The following IL1RAPL2 variants were observed in gnomAD, a reference collection of about 807,000 sequenced individuals.
The protein encoded by IL1RAPL2 is X-linked interleukin-1 receptor accessory protein-like 2.
Under a neutral mutation model 44.1 loss-of-function variants are expected in IL1RAPL2, and 3 were observed. That is an observed-to-expected ratio of 0.07 (90% CI 0.03 to 0.18). IL1RAPL2 has a LOEUF of 0.18. IL1RAPL2 is among the 10% of genes least tolerant of loss of function. IL1RAPL2 has a pLI of 1.00. For synonymous variants in IL1RAPL2, 181 were observed against 178.8 expected, an observed-to-expected ratio of 1.01 and a Z score of -0.10; for missense variants, 391 against 496.4, an observed-to-expected ratio of 0.79 and a Z score of 2.02.
chrX:105,342,605 C>T (rs1432872176), intron 5 of IL1RAPL2, among the ~76,000 whole-genome samples: 1 of 111,680 alleles, frequency 9.0e-6, no homozygotes, highest in African/African-American at 3.3e-5. Flanking sequence ...AAGAGAGAAC[C>T]TCAGAGCAAA....
intron 2 of IL1RAPL2, among the ~76,000 whole-genome samples, chrX:104,696,826 T>C (rs1386908572): frequency 1.8e-5 from 2 of 111,873 alleles, no homozygotes; most frequent in Non-Finnish European, 3.8e-5. Flanking sequence ...CTGTTATTTA[T>C]TTGTCAAAGG....
chrX:105,002,214 A>G (rs2030863509), intron 2 of IL1RAPL2, among the ~76,000 whole-genome samples: 1 of 111,504 alleles, frequency 9.0e-6, no homozygotes, highest in African/African-American at 3.3e-5. Context: ...ATATACAAAA[A>G]GCATGGTAGA....
At chrX:104,675,606 C>T (rs993812023) in intron 2 of IL1RAPL2, among the ~76,000 whole-genome samples, 2 of 111,003 alleles carry the variant, frequency 1.8e-5, no homozygotes, top group Non-Finnish European at 3.8e-5. Context: ...CTGTAGATGT[C>T]TATTAGGTCC....
At chrX:104,880,368 G>A (rs1161203941) in intron 2 of IL1RAPL2, among the ~76,000 whole-genome samples, 3 of 111,520 alleles carry the variant, frequency 2.7e-5, no homozygotes, top group Admixed American at 9.6e-5. Context: ...GAGAAAAAGC[G>A]TACAGTAGTC....
chrX:104,983,691 AACATAATATTATAT>A (rs1569355823), intron 2 of IL1RAPL2, among the ~76,000 whole-genome samples: 1 of 100,751 alleles, frequency 9.9e-6, no homozygotes, highest in Non-Finnish European at 2.0e-5. Context: ...ACATAATATT[AACATAATATTATAT>A]ACATAATATT....
chrX:104,891,826 A>G, intron 2 of IL1RAPL2, among the ~76,000 whole-genome samples: 1 of 111,258 alleles, frequency 9.0e-6, no homozygotes. Flanking sequence ...AACTTCCAAC[A>G]CTATGTTGAA....
chrX:104,630,392 C>A (rs1437486271), intron 1 of IL1RAPL2, among the ~76,000 whole-genome samples: 1 of 110,690 alleles, frequency 9.0e-6, no homozygotes, highest in African/African-American at 3.3e-5. Context: ...AATGATTAAC[C>A]TGCCTCGGCC....
chrX:104,911,934 A>ACTCAAATAT (rs1924251424), intron 2 of IL1RAPL2, among the ~76,000 whole-genome samples: 1 of 111,269 alleles, frequency 9.0e-6, no homozygotes, highest in African/African-American at 3.3e-5. Flanking sequence ...TCAGGCCTTC[A>ACTCAAATAT]CTCAAATATC....
At chrX:105,749,700 G>A (rs2038580472) in intron 9 of IL1RAPL2, among the ~76,000 whole-genome samples, 1 of 112,159 alleles carries the variant, frequency 8.9e-6, no homozygotes. Context: ...TATATTTGCT[G>A]TTTATGAATT....
intron 2 of IL1RAPL2, among the ~76,000 whole-genome samples, chrX:104,668,325 A>T (rs1353972961): frequency 1.8e-5 from 2 of 108,670 alleles, no homozygotes; most frequent in Admixed American, 9.9e-5. Context: ...TTTTATTTTT[A>T]TTTTTTTATT....
intron 2 of IL1RAPL2, among the ~76,000 whole-genome samples, chrX:104,885,967 C>T (rs1447797218): frequency 8.9e-6 from 1 of 112,796 alleles, no homozygotes; most frequent in East Asian, 2.8e-4. Context: ...CAAGCGCCAG[C>T]TCATGTCATC....
intron 3 of IL1RAPL2, among the ~76,000 whole-genome samples, chrX:105,216,347 A>C (rs782102658): frequency 9.0e-6 from 1 of 110,744 alleles, no homozygotes; most frequent in South Asian, 3.9e-4. Context: ...TCATGAGTGA[A>C]CTCCCATTCA....
chrX:104,968,979 CTGTGTG>C (rs35842489), intron 2 of IL1RAPL2, among the ~76,000 whole-genome samples: 4,203 of 81,994 alleles, frequency 0.051, 219 homozygotes, highest in African/African-American at 0.15. Context: ...TTGCCTTTTG[CTGTGTG>C]TGTGTGTGTG....
intron 1 of IL1RAPL2, among the ~76,000 whole-genome samples, chrX:104,641,569 C>T (rs1286958946): frequency 9.0e-6 from 1 of 111,519 alleles, no homozygotes; most frequent in East Asian, 2.9e-4. Flanking sequence ...GGGCTTGGCT[C>T]CCAGACTTGC....
chrX:104,669,463 T>C (rs1930551389), intron 2 of IL1RAPL2, among the ~76,000 whole-genome samples: 1 of 111,386 alleles, frequency 9.0e-6, no homozygotes. Flanking sequence ...TGTTACTCTT[T>C]TAACAAACCA....
chrX:105,344,409 A>G (rs1335374643), intron 5 of IL1RAPL2, among the ~76,000 whole-genome samples: 1 of 111,514 alleles, frequency 9.0e-6, no homozygotes, highest in East Asian at 2.8e-4. Context: ...TAGGATAATG[A>G]TGGTACATAA....
chrX:104,877,725 T>C (rs188527513), intron 2 of IL1RAPL2, among the ~76,000 whole-genome samples: 7 of 111,662 alleles, frequency 6.3e-5, no homozygotes, highest in Non-Finnish European at 1.3e-4. Flanking sequence ...CTTGAATCAA[T>C]TGAGCTGTCT....
chrX:104,982,096 G>A (rs1341004436), intron 2 of IL1RAPL2, among the ~76,000 whole-genome samples: 1 of 110,578 alleles, frequency 9.0e-6, no homozygotes, highest in Non-Finnish European at 1.9e-5. Flanking sequence ...CCTGTGACAT[G>A]CAATTTATAC....
At chrX:105,180,350 C>CA (rs1569398491) in intron 2 of IL1RAPL2, among the ~76,000 whole-genome samples, 2 of 103,690 alleles carry the variant, frequency 1.9e-5, no homozygotes, top group African/African-American at 7.5e-5. Context: ...AAAACAAAAA[C>CA]AAAAACAAAA....
Sources: allele counts gnomAD v4.1 joint callset (sites outside exome capture counted in the v4.1 genomes callset), GRCh38; gene constraint gnomAD v4.1.1; transcripts MANE v1.5; gene names NCBI Gene and HGNC (gene_info 2026-07-23, HGNC 2026-07-21).